The following TENM3 variants were observed in gnomAD, a reference collection of about 807,000 sequenced individuals.
TENM3 encodes teneurin-3.
Under a neutral mutation model 255.1 loss-of-function variants are expected in TENM3, and 63 were observed. The observed-to-expected ratio is 0.25, with a 90% CI of 0.20 to 0.30. The LOEUF is 0.30. Ranked by LOEUF, TENM3 falls within the 10% of genes least tolerant of loss-of-function variation. The pLI is 1.00. For synonymous variants in TENM3, 1,306 were observed against 1,322.3 expected (o/e 0.99, Z 0.27); for missense variants, 2,929 against 3,461.1 (o/e 0.85, Z 3.86).
rs11348241 is a variant in TENM3, at chr4:182,719,252, CTTTTTTTTTTT to C, written c.2368+5036_2368+5046del. 6.8e-3 allele frequency among the ~76,000 whole-genome samples: 554 copies of C among 80,888 alleles called. 1 individual carries two copies. The highest frequency in any genetic ancestry group is 0.028 in the African/African-American group (527 of 18,954). 53.1% of individuals were successfully genotyped at this position (80,888 alleles called of 152,430 possible). A position where few individuals can be genotyped will look rare whatever the true frequency, so the allele number is the denominator to read the frequency against. On this transcript the variant is annotated intron_variant, in intron 13 of 27. Transcript: ENST00000511685. Reference sequence around the variant, plus strand: ...AGTAAAATAGAGTTCTTTTTTTTTTCTTTTTTTTTTTTTTTTTTTTTTTTTTTGAGACGGAG... The same window carrying C: ...AGTAAAATAGAGTTCTTTTTTTTTTCTTTTTTTTTTTTTTTTGAGACGGAG...
At chr4:181,624,968 A>G in the TENM3 span, among the ~76,000 whole-genome samples, 1 of 152,172 alleles carries the variant, frequency 6.6e-6, no homozygotes. Context: ...CACTTTATAC[A>G]GTAATCTCAG....
intron 1 of TENM3, among the ~76,000 whole-genome samples, chr4:182,263,476 T>G (rs1759006646): frequency 6.6e-6 from 1 of 152,186 alleles, no homozygotes; most frequent in African/African-American, 2.4e-5. Flanking sequence ...TAAGAACAGC[T>G]TTGGCACTAT....
chr4:181,577,402 A>G, the TENM3 span, among the ~76,000 whole-genome samples: 1 of 151,460 alleles, frequency 6.6e-6, no homozygotes, highest in Non-Finnish European at 1.5e-5. Flanking sequence ...TTCCACTAAG[A>G]AGTCTAGGTT....
chr4:181,466,172 T>C, the TENM3 span, among the ~76,000 whole-genome samples: 1 of 149,350 alleles, frequency 6.7e-6, no homozygotes, highest in Non-Finnish European at 1.5e-5. Flanking sequence ...GGCTAGAGTG[T>C]AATGGTGCGA....
At chr4:181,465,613 T>C in the TENM3 span, among the ~76,000 whole-genome samples, 1 of 152,208 alleles carries the variant, frequency 6.6e-6, no homozygotes, top group Non-Finnish European at 1.5e-5. Flanking sequence ...CTAGAGCCCA[T>C]AGAACTTTTA....
chr4:182,757,428 G>C (rs532833652), intron 22 of TENM3, among the ~76,000 whole-genome samples: 1 of 151,698 alleles, frequency 6.6e-6, no homozygotes, highest in Non-Finnish European at 1.5e-5. Flanking sequence ...GTATAGTCTG[G>C]TACTCAAGCC....
chr4:182,119,350 A>G, the TENM3 span, among the ~76,000 whole-genome samples: 2 of 152,144 alleles, frequency 1.3e-5, no homozygotes, highest in African/African-American at 4.8e-5. Flanking sequence ...AAAACTCACA[A>G]AAGTGTGAAG....
the TENM3 span, among the ~76,000 whole-genome samples, chr4:181,784,774 T>C: frequency 2.6e-5 from 4 of 152,122 alleles, no homozygotes; most frequent in Non-Finnish European, 4.4e-5. Flanking sequence ...ATTCAGAAAA[T>C]ATATATACTC....
chr4:182,715,433 TA>T (rs1428868722), intron 13 of TENM3, among the ~76,000 whole-genome samples: 1 of 152,226 alleles, frequency 6.6e-6, no homozygotes. Flanking sequence ...ACAAAATCTG[TA>T]ATCACTTTAA....
chr4:181,992,516 T>G, the TENM3 span, among the ~76,000 whole-genome samples: 1 of 151,990 alleles, frequency 6.6e-6, no homozygotes, highest in Non-Finnish European at 1.5e-5. Flanking sequence ...CTATTTATCT[T>G]GTTGTTTCAT....
At chr4:182,133,297 A>T in the TENM3 span, among the ~76,000 whole-genome samples, 1 of 152,218 alleles carries the variant, frequency 6.6e-6, no homozygotes, top group African/African-American at 2.4e-5. Flanking sequence ...GGCTTTCGGC[A>T]TGAGCAATGC....
At chr4:182,149,802 A>G (rs950492901) in intron 1 of TENM3, among the ~76,000 whole-genome samples, 5 of 152,042 alleles carry the variant, frequency 3.3e-5, no homozygotes, top group African/African-American at 9.7e-5. Flanking sequence ...TTAGGAGTCA[A>G]TCATTACTTA....
chr4:182,021,520 T>A, the TENM3 span, among the ~76,000 whole-genome samples: 9 of 152,146 alleles, frequency 5.9e-5, no homozygotes, highest in Admixed American at 1.3e-4. Flanking sequence ...CCCAAGATTA[T>A]AAAAGACCCT....
the TENM3 span, among the ~76,000 whole-genome samples, chr4:181,541,036 G>A: frequency 6.6e-6 from 1 of 152,130 alleles, no homozygotes; most frequent in Non-Finnish European, 1.5e-5. Context: ...AAAAGTTCCT[G>A]TCTGAGAATG....
At chr4:182,635,368 T>C (rs1185638474) in intron 5 of TENM3, among the ~76,000 whole-genome samples, 1 of 152,194 alleles carries the variant, frequency 6.6e-6, no homozygotes, top group Middle Eastern at 3.2e-3. Context: ...GCAGCTACCA[T>C]ACAGAACATT....
chr4:182,339,532 G>A (rs1764349240), intron 2 of TENM3, among the ~76,000 whole-genome samples: 1 of 152,172 alleles, frequency 6.6e-6, no homozygotes, highest in Non-Finnish European at 1.5e-5. Flanking sequence ...CCCACCAGAA[G>A]GTGTGAGTAG....
Position 182,626,520 on chromosome 4 carries a change from A to G in TENM3, c.750-2131A>G, listed in dbSNP as rs537383713. 1.1e-4 allele frequency among the ~76,000 whole-genome samples: 17 copies of G among 152,288 alleles called. No individual in the cohort carries two copies. In the South Asian group the frequency reaches 3.3e-3, roughly 30 times the overall value. On this transcript the variant is annotated intron_variant, in intron 4 of 27. Coordinates refer to ENST00000511685, the MANE Select transcript of TENM3 (RefSeq NM_001080477.4). ...CCTGTAAACTGTAGGTACTGTTATT[A>G]TGCCCTTTTTACAGATGATAAAACC...
At chr4:181,662,592 G>A in the TENM3 span, among the ~76,000 whole-genome samples, 6 of 152,098 alleles carry the variant, frequency 3.9e-5, 1 homozygote, top group African/African-American at 1.4e-4. Flanking sequence ...TCTCCCATTA[G>A]GACATTGTGT....
At chr4:181,895,236 T>C in the TENM3 span, among the ~76,000 whole-genome samples, 2 of 152,088 alleles carry the variant, frequency 1.3e-5, no homozygotes, top group Non-Finnish European at 2.9e-5. Flanking sequence ...TAAGTATGTG[T>C]CTGTTGACTA....
Sources: gnomAD v4.1 joint callset for allele counts (sites outside exome capture counted in the v4.1 genomes callset) on GRCh38, gnomAD v4.1.1 for gene constraint, MANE v1.5 for transcripts, NCBI Gene and HGNC (gene_info 2026-07-23, HGNC 2026-07-21) for gene names.